Variants in UNC13C observed in about 807,000 individuals in gnomAD.
UNC13C encodes the protein protein unc-13 homolog C.
Under a neutral mutation model 245.4 loss-of-function variants are expected in UNC13C, and 174 were observed. The observed-to-expected ratio is 0.71, with a 90% CI of 0.63 to 0.80. UNC13C has a LOEUF of 0.80. Ranked by LOEUF, UNC13C falls within the 30% of genes least tolerant of loss-of-function variation. The pLI, the probability that UNC13C is intolerant of heterozygous loss-of-function variation, is 0.00. For missense variants in UNC13C, 2,829 were observed against 2,602.9 expected, an observed-to-expected ratio of 1.09 and a Z score of -1.89; for synonymous variants, 992 against 895.1, an observed-to-expected ratio of 1.11 and a Z score of -1.93.
intron 32 of UNC13C, among the ~76,000 whole-genome samples, chr15:54,625,379 G>A (rs980952962): frequency 6.6e-5 from 10 of 152,122 alleles, no homozygotes; most frequent in African/African-American, 1.7e-4. Flanking sequence ...GAAACTGGGC[G>A]ATACCTGGCA....
the UNC13C span, among the ~76,000 whole-genome samples, chr15:53,845,609 T>C: frequency 6.6e-6 from 1 of 152,230 alleles, no homozygotes; most frequent in African/African-American, 2.4e-5. Flanking sequence ...AGCACGGGTC[T>C]AGGGATGCAA....
intron 4 of UNC13C, among the ~76,000 whole-genome samples, chr15:54,203,993 C>G (rs1048913510): frequency 1.3e-5 from 2 of 151,244 alleles, no homozygotes; most frequent in African/African-American, 4.9e-5. Context: ...ATGGCATTTG[C>G]AACAACCTGG....
At position 54,323,595 on chromosome 15, in the gene UNC13C, TACCTACAGTATA is replaced by T. The variant is rs561216545; in HGVS notation, c.4425+1512_4425+1523del. On this transcript the variant is annotated intron_variant, in intron 14 of 32. Transcript: ENST00000260323. ...TATGAGAATTTTGTCTCTCCTGCCT[TACCTACAGTATA>T]ACCTACAGTATCAGCTACTTTTGTT... Among the ~76,000 whole-genome samples, 17 of 152,114 alleles carry T rather than the reference TACCTACAGTATA, an allele frequency of 1.1e-4. No individual in the cohort carries two copies. The South Asian group carries it at 2.9e-3, about 26-fold the overall frequency.
intron 2 of UNC13C, among the ~76,000 whole-genome samples, chr15:54,096,535 A>G (rs953704416): frequency 6.6e-6 from 1 of 152,172 alleles, no homozygotes; most frequent in Non-Finnish European, 1.5e-5. Context: ...GCTTTCTTCA[A>G]TATGGATTAT....
intron 26 of UNC13C, among the ~76,000 whole-genome samples, chr15:54,534,221 G>A (rs185888899): frequency 2.0e-5 from 3 of 152,084 alleles, no homozygotes; most frequent in Non-Finnish European, 4.4e-5. Flanking sequence ...AGTGCAGCAG[G>A]TGCTTGTCCT....
chr15:54,470,235 TG>T (rs1378109115), intron 19 of UNC13C, among the ~76,000 whole-genome samples: 1 of 151,608 alleles, frequency 6.6e-6, no homozygotes, highest in Non-Finnish European at 1.5e-5. Context: ...TGTCTGGCTT[TG>T]GTATCAGTTT....
At chr15:54,261,487 T>A (rs1173026369) in intron 8 of UNC13C, among the ~76,000 whole-genome samples, 2 of 152,180 alleles carry the variant, frequency 1.3e-5, no homozygotes, top group Non-Finnish European at 2.9e-5. Flanking sequence ...ATAATTTTCT[T>A]CTGATCAAAA....
intron 19 of UNC13C, among the ~76,000 whole-genome samples, chr15:54,486,449 A>G (rs2141073310): frequency 6.6e-6 from 1 of 152,010 alleles, no homozygotes; most frequent in East Asian, 1.9e-4. Flanking sequence ...AAAGAAAAAA[A>G]AAAAAAGAAA....
At chr15:54,348,287 G>A (rs950614708) in intron 17 of UNC13C, among the ~76,000 whole-genome samples, 7 of 151,972 alleles carry the variant, frequency 4.6e-5, no homozygotes, top group African/African-American at 9.7e-5. Flanking sequence ...TTTCCCTTCC[G>A]CTAGACAGAA....
intron 2 of UNC13C, among the ~76,000 whole-genome samples, chr15:54,065,437 G>T (rs577359483): frequency 7.2e-5 from 11 of 152,224 alleles, no homozygotes; most frequent in Non-Finnish European, 1.6e-4. Context: ...AATGAACCAT[G>T]CTAAGGTGAC....
intron 4 of UNC13C, among the ~76,000 whole-genome samples, chr15:54,222,366 G>C (rs2035252607): frequency 6.6e-6 from 1 of 151,836 alleles, no homozygotes; most frequent in Admixed American, 6.6e-5. Flanking sequence ...TTCTGTGCCT[G>C]GTTTATTTCA....
chr15:54,620,259 T>G (rs1402427554), intron 30 of UNC13C, among the ~76,000 whole-genome samples: 2 of 152,050 alleles, frequency 1.3e-5, no homozygotes, highest in African/African-American at 4.8e-5. Context: ...AATAACTGAT[T>G]GAAAAACACA....
chr15:53,897,695 C>G, the UNC13C span, among the ~76,000 whole-genome samples: 1 of 152,182 alleles, frequency 6.6e-6, no homozygotes, highest in Non-Finnish European at 1.5e-5. Flanking sequence ...GGCCACTTTT[C>G]CTGAATTTCC....
At position 54,500,108 on chromosome 15, in the gene UNC13C, T is replaced by A; in HGVS notation, c.5090T>A (p.Leu1697Gln). 1 of 1,611,456 alleles carries A rather than the reference T, an allele frequency of 6.2e-7. No homozygotes were observed. The highest frequency in any genetic ancestry group is 1.1e-5 in the South Asian group (1 of 90,546). The part of the protein sequence containing the change: ...LWFEPFVMQW[L>Q]DENEDVSMEF... ...TTTGAACCTTTTGTCATGCAATGGC[T>A]AGATGAAAACGAAGATGTGTCAATG... The change falls in exon 21 of 33, where the codon CTA becomes CAA. Residue 1697 changes from leucine (L) to glutamine (Q), a missense_variant. Coordinates refer to ENST00000260323, the MANE Select transcript of UNC13C (RefSeq NM_001080534.3).
chr15:54,380,260 C>A (rs2039695134), intron 17 of UNC13C, among the ~76,000 whole-genome samples: 1 of 151,598 alleles, frequency 6.6e-6, no homozygotes, highest in East Asian at 1.9e-4. Context: ...CTGGCTTAAT[C>A]CCCTTAACAT....
At chr15:54,187,657 A>G (rs1251826237) in intron 4 of UNC13C, among the ~76,000 whole-genome samples, 2 of 152,182 alleles carry the variant, frequency 1.3e-5, no homozygotes, top group Admixed American at 6.6e-5. Flanking sequence ...CTCGGTGACA[A>G]CATGATTTTT....
At chr15:54,307,587 A>G (rs2037759898) in intron 13 of UNC13C, among the ~76,000 whole-genome samples, 1 of 151,950 alleles carries the variant, frequency 6.6e-6, no homozygotes, top group Admixed American at 6.6e-5. Context: ...TTAAATAGTA[A>G]CAAGCATGGG....
intron 1 of UNC13C, among the ~76,000 whole-genome samples, chr15:54,009,629 C>T (rs1435484039): frequency 6.6e-6 from 1 of 151,682 alleles, no homozygotes; most frequent in Non-Finnish European, 1.5e-5. Flanking sequence ...TTACTGCAAC[C>T]TCTGCCTCCC....
chr15:54,362,532 T>C (rs1257139714), intron 17 of UNC13C, among the ~76,000 whole-genome samples: 1 of 152,228 alleles, frequency 6.6e-6, no homozygotes, highest in Non-Finnish European at 1.5e-5. Context: ...CAAGGGAATC[T>C]TATATTCCAC....
Sources: gnomAD v4.1 joint callset for allele counts (sites outside exome capture counted in the v4.1 genomes callset) on GRCh38, gnomAD v4.1.1 for gene constraint, MANE v1.5 for transcripts, NCBI Gene and HGNC (gene_info 2026-07-23, HGNC 2026-07-21) for gene names.